The following PTPRB variants were observed in gnomAD, a reference collection of about 807,000 sequenced individuals.
PTPRB encodes the protein receptor-type tyrosine-protein phosphatase beta.
In PTPRB, 97 loss-of-function variants were observed where a neutral mutation model predicts 238.1. That is an observed-to-expected ratio of 0.41 (90% confidence interval 0.35 to 0.48). The LOEUF is 0.48. Ranked by LOEUF, PTPRB falls within the 20% of genes least tolerant of loss-of-function variation. The pLI, the probability that PTPRB is intolerant of heterozygous loss-of-function variation, is 0.30. For synonymous variants in PTPRB, 970 were observed against 995.4 expected, an observed-to-expected ratio of 0.97 and a Z score of 0.48; for missense variants, 2,292 against 2,681.9, an observed-to-expected ratio of 0.85 and a Z score of 3.21.
intron 8 of PTPRB, among the ~76,000 whole-genome samples, chr12:70,587,885 G>A (rs797021820): frequency 4.6e-5 from 7 of 152,062 alleles, no homozygotes; most frequent in African/African-American, 1.7e-4. Flanking sequence ...TGGATCACTT[G>A]AGGTCAGGAG....
intron 4 of PTPRB, among the ~76,000 whole-genome samples, chr12:70,605,916 GA>G (rs957976077): frequency 4.5e-4 from 67 of 149,924 alleles, no homozygotes; most frequent in Middle Eastern, 3.4e-3. Context: ...TACAAGAAGT[GA>G]AAAAAAAATG....
At chr12:70,546,023 G>T (rs767500854) in intron 21 of PTPRB, among the ~76,000 whole-genome samples, 1 of 151,968 alleles carries the variant, frequency 6.6e-6, no homozygotes, top group Non-Finnish European at 1.5e-5. Flanking sequence ...TGTAATCCTG[G>T]CTACTTGGGA....
chr12:70,588,774 A>G (rs535447533), intron 8 of PTPRB, among the ~76,000 whole-genome samples: 64 of 152,134 alleles, frequency 4.2e-4, no homozygotes, highest in Non-Finnish European at 7.8e-4. Flanking sequence ...CCAACATGGT[A>G]AAATCCTGTC....
chr12:70,596,039 C>T lies in PTPRB; in HGVS notation c.1258+10G>A. On this transcript the variant is annotated intron_variant, in intron 5 of 33. Coordinates refer to ENST00000334414, the MANE Select transcript of PTPRB (RefSeq NM_001109754.4). ...ATTAACTACTCAGCTATAAAATAAA[C>T]AGGTCTTACCTGTTGATCCATTGGT... 2 of 1,553,072 alleles carry T rather than the reference C, an allele frequency of 1.3e-6. No homozygotes were observed.
chr12:70,602,275 T>C (rs745370458), intron 4 of PTPRB, among the ~76,000 whole-genome samples: 14 of 152,178 alleles, frequency 9.2e-5, no homozygotes, highest in Non-Finnish European at 2.1e-4. Context: ...TAGAGAACCA[T>C]GTCAGCACTG....
chr12:70,566,150 A>C (rs942403576), intron 15 of PTPRB, among the ~76,000 whole-genome samples: 1 of 152,184 alleles, frequency 6.6e-6, no homozygotes, highest in Admixed American at 6.5e-5. Context: ...GAAAATAATA[A>C]ATTTGGGTGG....
chr12:70,538,463 C>CG (rs1874523717), intron 27 of PTPRB: 2 of 513,714 alleles, frequency 3.9e-6, no homozygotes, highest in Non-Finnish European at 6.8e-6. Context: ...GCTTCCCTTT[C>CG]TGACATTACC....
At chr12:70,599,749 G>T (rs987812844) in intron 4 of PTPRB, among the ~76,000 whole-genome samples, 2 of 152,058 alleles carry the variant, frequency 1.3e-5, no homozygotes, top group African/African-American at 4.8e-5. Context: ...CAAAAGAAAA[G>T]ACAAAGTATG....
Position 70,594,472 on chromosome 12 carries a change from C to A in PTPRB, c.1511G>T (p.Arg504Met), listed in dbSNP as rs1348770198. ...GLQNYRWKLV[R>M]TAPMEVSNLK... Reference sequence around the variant, plus strand: ...GCTAGCTAGGGGGAACTTACCTGTCCTGACTAGTTTCCACCTGTAGTTTTG... The same window carrying A: ...GCTAGCTAGGGGGAACTTACCTGTCATGACTAGTTTCCACCTGTAGTTTTG... The change falls in exon 6 of 34, where the codon AGG becomes ATG. Residue 504 changes from arginine (R) to methionine (M), a missense_variant. This residue lies in a region of PTPRB where 1,205 missense variants were observed against 1,287.8 expected (regional missense o/e 0.94). Transcript: ENST00000334414. 3 of 1,613,950 alleles carry A rather than the reference C, an allele frequency of 1.9e-6. No homozygotes were observed. The highest frequency in any genetic ancestry group is 2.5e-6 in the Non-Finnish European group (3 of 1,179,874).
At chr12:70,634,515 C>T (rs374058706) in intron 2 of PTPRB, among the ~76,000 whole-genome samples, 85 of 152,138 alleles carry the variant, frequency 5.6e-4, no homozygotes, top group African/African-American at 1.9e-3. Flanking sequence ...CATAGGTAAA[C>T]GTGTGCCGTG....
At position 70,515,965 on chromosome 12, in the gene PTPRB, A is replaced by G. The variant is rs1025387472; in HGVS notation, c.*5524T>C. ...ACCACAGTTACAAATATAAAAATGTATTAAGCAAATACATAATTTAAATTG... is the reference window on the plus strand; with the variant it reads ...ACCACAGTTACAAATATAAAAATGTGTTAAGCAAATACATAATTTAAATTG... On this transcript the variant is annotated 3_prime_UTR_variant, in exon 34 of 34. Transcript: ENST00000334414. 1.1e-4 allele frequency: 17 copies of G among 152,140 alleles called. No individual in the cohort carries two copies. Among genetic ancestry groups the G allele is most frequent in the African/African-American group, 4.1e-4 (17 of 41,422 alleles). 9.4% of individuals were successfully genotyped at this position (152,140 alleles called of 1,614,324 possible).
At chr12:70,622,288 C>T (rs184242160) in intron 3 of PTPRB, 102 bp downstream of exon 3, 3 of 1,423,696 alleles carry the variant, frequency 2.1e-6, no homozygotes, top group East Asian at 2.3e-5. Flanking sequence ...AGTGCCTAAT[C>T]CCCCTACTGC....
Position 70,576,375 on chromosome 12 carries a change from G to A in PTPRB, c.2842+7C>T, listed in dbSNP as rs765191358. 2 of 1,611,412 alleles carry A rather than the reference G, an allele frequency of 1.2e-6. No homozygotes were observed. Among genetic ancestry groups the A allele is most frequent in the Non-Finnish European group, 1.7e-6 (2 of 1,178,972 alleles). ...TTACGGAGCCCTGAACCTTCATACAGCCTTACCTGTCCGCTCTTGGCTGAA... is the reference window on the plus strand; with the variant it reads ...TTACGGAGCCCTGAACCTTCATACAACCTTACCTGTCCGCTCTTGGCTGAA... On this transcript the variant is annotated splice_region_variant and intron_variant, in intron 11 of 33. Transcript: ENST00000334414.
chr12:70,565,739 G>C (rs77992355), intron 15 of PTPRB, among the ~76,000 whole-genome samples: 2,262 of 152,292 alleles, frequency 0.015, 65 homozygotes, highest in African/African-American at 0.051. Flanking sequence ...CAATGTGGTT[G>C]TCTGAATAAT....
intron 26 of PTPRB, 42 bp downstream of exon 26, chr12:70,539,582 TA>T: frequency 7.1e-7 from 1 of 1,417,348 alleles, no homozygotes; most frequent in Non-Finnish European, 9.7e-7. Flanking sequence ...GAAATTCTGC[TA>T]AGAACTAGGG....
At chr12:70,539,457 G>A (rs1475683218) in intron 26 of PTPRB, 168 bp downstream of exon 26, 5 of 618,434 alleles carry the variant, frequency 8.1e-6, no homozygotes, top group African/African-American at 1.8e-5. Flanking sequence ...AGATTAGATG[G>A]TATATTCTAT....
intron 15 of PTPRB, among the ~76,000 whole-genome samples, chr12:70,564,868 AAT>A (rs1879060634): frequency 1.1e-5 from 1 of 94,104 alleles, no homozygotes; most frequent in Non-Finnish European, 2.2e-5. Context: ...TAATAATAAT[AAT>A]AATAATAATA....
intron 6 of PTPRB, among the ~76,000 whole-genome samples, chr12:70,594,073 G>A (rs866857172): frequency 1.3e-5 from 2 of 152,162 alleles, no homozygotes; most frequent in Non-Finnish European, 2.9e-5. Flanking sequence ...GAAAATTTTG[G>A]AAATGACTGT....
At chr12:70,549,936 C>T (rs1005369668) in intron 21 of PTPRB, among the ~76,000 whole-genome samples, 1 of 152,226 alleles carries the variant, frequency 6.6e-6, no homozygotes, top group African/African-American at 2.4e-5. Flanking sequence ...CGTATTTGTT[C>T]ATAAACATTT....
Sources: allele counts gnomAD v4.1 joint callset (sites outside exome capture counted in the v4.1 genomes callset), GRCh38; gene constraint gnomAD v4.1.1; regional missense constraint gnomAD v4.1.1; transcripts MANE v1.5; gene names NCBI Gene and HGNC (gene_info 2026-07-23, HGNC 2026-07-21).